WWTR1: variants seen among roughly 807,000 people sequenced by gnomAD.
WWTR1 encodes WW domain-containing transcription regulator protein 1.
WWTR1 carries 13 observed loss-of-function variants against 40.1 expected under a neutral mutation model. That is an observed-to-expected ratio of 0.32 (90% CI 0.21 to 0.52). WWTR1 has a LOEUF of 0.52. Among genes scored for constraint, WWTR1 ranks in the 20% least tolerant of loss-of-function variants. The probability of loss-of-function intolerance (pLI) is 0.97; values close to 1 mark genes in which losing one functional copy is unlikely to be tolerated. For missense variants in WWTR1, 436 were observed against 523.1 expected, an observed-to-expected ratio of 0.83 and a Z score of 1.63; for synonymous variants, 230 against 210.1, an observed-to-expected ratio of 1.09 and a Z score of -0.82.
intron 2 of WWTR1, among the ~76,000 whole-genome samples, chr3:149,599,357 C>T (rs1318833865): frequency 6.6e-6 from 1 of 152,182 alleles, no homozygotes; most frequent in East Asian, 1.9e-4. Context: ...AAAAGTTGGC[C>T]AGTAATGGTT....
chr3:149,636,505 G>T (rs760054892), intron 2 of WWTR1, among the ~76,000 whole-genome samples: 32 of 152,048 alleles, frequency 2.1e-4, no homozygotes, highest in Non-Finnish European at 3.8e-4. Context: ...CATTGTTTTT[G>T]CTTGAAAAAC....
intron 2 of WWTR1, among the ~76,000 whole-genome samples, chr3:149,587,798 A>G (rs1323685698): frequency 2.0e-5 from 3 of 152,240 alleles, no homozygotes; most frequent in Non-Finnish European, 4.4e-5. Flanking sequence ...TATAGAATGT[A>G]TGATTTAATA....
At chr3:149,685,326 G>A (rs1012892727) in intron 1 of WWTR1, among the ~76,000 whole-genome samples, 2 of 152,160 alleles carry the variant, frequency 1.3e-5, no homozygotes, top group East Asian at 1.9e-4. Context: ...AGATCACCAC[G>A]CCCAACAGAG....
At chr3:149,549,565 C>T (rs1331907647) in intron 3 of WWTR1, among the ~76,000 whole-genome samples, 3 of 152,164 alleles carry the variant, frequency 2.0e-5, no homozygotes, top group Non-Finnish European at 2.9e-5. Flanking sequence ...GGGCTGAGCG[C>T]CATGGCTCAC....
rs188474658 is a variant in WWTR1, at chr3:149,569,009, T to G, written c.568+3855A>C. 7.0e-3 allele frequency among the ~76,000 whole-genome samples: 1,070 copies of G among 152,202 alleles called. 13 individuals carry two copies. Among genetic ancestry groups the G allele is most frequent in the African/African-American group, 0.025 (1,032 of 41,540 alleles). ...TCTCGATCTCCTGACCTCGTGATCCTCCCACCTCGGTCTCCCAAAGTGCTG... is the reference window on the plus strand; with the variant it reads ...TCTCGATCTCCTGACCTCGTGATCCGCCCACCTCGGTCTCCCAAAGTGCTG... On this transcript the variant is annotated intron_variant, in intron 3 of 6. Transcript: ENST00000360632.
At chr3:149,539,918 A>C (rs965510246) in intron 4 of WWTR1, among the ~76,000 whole-genome samples, 1 of 152,088 alleles carries the variant, frequency 6.6e-6, no homozygotes, top group African/African-American at 2.4e-5. Context: ...ATATGGTCTT[A>C]AATCATATCT....
At chr3:149,567,910 C>G (rs1373208367) in intron 3 of WWTR1, among the ~76,000 whole-genome samples, 1 of 152,222 alleles carries the variant, frequency 6.6e-6, no homozygotes, top group Admixed American at 6.5e-5. Flanking sequence ...CACTTCGCCA[C>G]CACTCTAACC....
chr3:149,606,417 C>A (rs1445995280), intron 2 of WWTR1, among the ~76,000 whole-genome samples: 1 of 152,104 alleles, frequency 6.6e-6, no homozygotes, highest in African/African-American at 2.4e-5. Context: ...TAAGAAATCC[C>A]AGCATTTCCT....
intron 3 of WWTR1, among the ~76,000 whole-genome samples, chr3:149,542,945 G>C (rs898586014): frequency 6.6e-6 from 1 of 152,162 alleles, no homozygotes; most frequent in Non-Finnish European, 1.5e-5. Context: ...GTTTATGGCA[G>C]AGGTAAGGAG....
chr3:149,608,555 T>C (rs1739590360), intron 2 of WWTR1, among the ~76,000 whole-genome samples: 1 of 151,980 alleles, frequency 6.6e-6, no homozygotes, highest in Admixed American at 6.6e-5. Flanking sequence ...CTGGCTAATT[T>C]TTTTGTATTT....
In WWTR1 at chr3:149,542,449, C is replaced by T. The variant is rs1736154072; in HGVS notation, c.657G>A (p.Met219Ile). ...GAGTGGTCAGCGCATTGGGCATACT[C>T]ATGAGCCCTGCGGGTGGGTTCTGAG... ...HPTQNPPAGL[M>I]SMPNALTTQQ... Residue 219 changes from methionine (M) to isoleucine (I), a missense_variant, in exon 4 of 7, where the codon ATG becomes ATA. Met to Ile is a conservative substitution (Grantham distance 10). Coordinates refer to ENST00000360632, the MANE Select transcript of WWTR1 (RefSeq NM_015472.6). The T allele has an allele frequency of 1.2e-6, 2 of 1,614,116 alleles. No homozygotes were observed. The highest frequency in any genetic ancestry group is 8.5e-7 in the Non-Finnish European group (1 of 1,180,002).
At chr3:149,532,781 C>T (rs1406828336) in intron 4 of WWTR1, among the ~76,000 whole-genome samples, 1 of 152,216 alleles carries the variant, frequency 6.6e-6, no homozygotes, top group African/African-American at 2.4e-5. Context: ...ATGACATCCA[C>T]TACCCTTGCG....
intron 3 of WWTR1, among the ~76,000 whole-genome samples, chr3:149,561,186 T>C (rs1560060886): frequency 6.6e-6 from 1 of 152,204 alleles, no homozygotes; most frequent in East Asian, 1.9e-4. Context: ...AATCAACCTA[T>C]ATGTCTCTCA....
intron 4 of WWTR1, among the ~76,000 whole-genome samples, chr3:149,720,227 T>C (rs900687740): frequency 8.5e-5 from 13 of 152,214 alleles, no homozygotes; most frequent in African/African-American, 3.1e-4. Context: ...CCTTATGTTT[T>C]CTTCTAAGAG....
intron 2 of WWTR1, among the ~76,000 whole-genome samples, chr3:149,624,007 T>C (rs1740433825): frequency 6.6e-6 from 1 of 152,226 alleles, no homozygotes; most frequent in South Asian, 2.1e-4. Context: ...AGAAAGTATG[T>C]GGTTATCGTC....
intron 3 of WWTR1, among the ~76,000 whole-genome samples, chr3:149,545,440 GA>G (rs1389802449): frequency 2.6e-5 from 4 of 152,162 alleles, no homozygotes; most frequent in Non-Finnish European, 5.9e-5. Context: ...AGACAAAAAA[GA>G]TGCCCAATAG....
At chr3:149,622,157 T>G (rs1461131930) in intron 2 of WWTR1, among the ~76,000 whole-genome samples, 2 of 152,278 alleles carry the variant, frequency 1.3e-5, no homozygotes, top group East Asian at 3.9e-4. Context: ...AAGAGGCTTG[T>G]TTTAACCCAG....
chr3:149,650,504 G>C, intron 2 of WWTR1, among the ~76,000 whole-genome samples: 1 of 152,148 alleles, frequency 6.6e-6, no homozygotes, highest in South Asian at 2.1e-4. Context: ...AAAGCATCTA[G>C]GGTTATGAAA....
Position 149,588,117 on chromosome 3 carries a change from G to C in WWTR1, c.432-15117C>G, listed in dbSNP as rs1250891408. Among the ~76,000 whole-genome samples, 4 of 152,332 alleles carry C rather than the reference G, an allele frequency of 2.6e-5. No homozygotes were observed. The East Asian group carries it at 7.7e-4, about 29-fold the overall frequency. Reference sequence around the variant, plus strand: ...AGTATTGCCAAGAGACTAAGTTCTAGACAATGAACAGAAGTGCTGTGTGGG... The same window carrying C: ...AGTATTGCCAAGAGACTAAGTTCTACACAATGAACAGAAGTGCTGTGTGGG... On this transcript the variant is annotated intron_variant, in intron 2 of 6. Transcript: ENST00000360632.
Sources: gnomAD v4.1 joint callset for allele counts (sites outside exome capture counted in the v4.1 genomes callset) on GRCh38, gnomAD v4.1.1 for gene constraint, MANE v1.5 for transcripts, NCBI Gene and HGNC (gene_info 2026-07-23, HGNC 2026-07-21) for gene names.